The following RIBC2 variants were observed in gnomAD, a reference collection of about 807,000 sequenced individuals.
RIBC2 encodes the protein RIB43A domain with coiled-coils 2.
Under a neutral mutation model 44.3 loss-of-function variants are expected in RIBC2, and 40 were observed. That is an observed-to-expected ratio of 0.90 (90% CI 0.70 to 1.18). The LOEUF is 1.18. Ranked by LOEUF, RIBC2 falls within the 50% of genes most tolerant of loss-of-function variation. RIBC2 has a pLI of 0.00. For synonymous variants in RIBC2, 171 were observed against 175.0 expected (o/e 0.98, Z 0.18); for missense variants, 459 against 485.5 (o/e 0.95, Z 0.51).
intron 5 of RIBC2, among the ~76,000 whole-genome samples, 176 bp from the exon 6 acceptor site, chr22:45,430,724 T>A (rs1371242022): frequency 6.6e-6 from 1 of 152,066 alleles, no homozygotes; most frequent in East Asian, 1.9e-4. Flanking sequence ...CCACATGGAA[T>A]GAGGGCAGGC....
At position 45,414,312 on chromosome 22, in the gene RIBC2, C is replaced by G. The variant is rs750578698; in HGVS notation, c.130-10C>G. On this transcript the variant is annotated splice_polypyrimidine_tract_variant and intron_variant, in intron 1 of 6. Coordinates refer to ENST00000614167, the MANE Select transcript of RIBC2 (RefSeq NM_015653.5). ...GCTCTAACCCTTCTCCTCTGTTTTT[C>G]CATTTATAGGGAGACACTGAAGCCT... 2 of 1,544,178 alleles carry G rather than the reference C, an allele frequency of 1.3e-6. No individual in the cohort carries two copies. The highest frequency in any genetic ancestry group is 2.4e-5 in the South Asian group (2 of 82,574).
chr22:45,424,996 T>A (rs1437514794), intron 4 of RIBC2, among the ~76,000 whole-genome samples: 7 of 151,864 alleles, frequency 4.6e-5, no homozygotes, highest in Non-Finnish European at 1.0e-4. Flanking sequence ...CCTTGTGATT[T>A]GCCCACTTTG....
intron 5 of RIBC2, among the ~76,000 whole-genome samples, chr22:45,426,925 G>C (rs568699185): frequency 6.6e-6 from 1 of 152,062 alleles, no homozygotes; most frequent in Non-Finnish European, 1.5e-5. Flanking sequence ...GGGTGGGGAC[G>C]TGTGAAAGAG....
intron 5 of RIBC2, among the ~76,000 whole-genome samples, chr22:45,429,641 G>A (rs888330434): frequency 2.2e-4 from 34 of 152,214 alleles, no homozygotes; most frequent in African/African-American, 7.7e-4. Context: ...GGCAGGGGGC[G>A]TGAAGTTCAG....
At chr22:45,417,486 CCAG>C in intron 2 of RIBC2, 113 bp from the exon 3 acceptor site, 2 of 785,274 alleles carry the variant, frequency 2.5e-6, no homozygotes, top group South Asian at 2.0e-5. Flanking sequence ...GGAGACCAGC[CCAG>C]GCAACATAAT....
rs1474813416 is a variant in RIBC2 at position 45,413,929 on chromosome 22, C to A, written c.43C>A (p.Arg15=). ...GGCGGTGGCGCTGCCCAGGGACTTG[C>A]GGCAGGACGCCAACCTGGCAAAGAG... ...TMAVALPRDL[R]QDANLAKRRH... The change falls in exon 1 of 7, where the codon CGG becomes AGG. Residue 15 remains arginine, a synonymous_variant. Transcript: ENST00000614167. 1 of 1,551,672 alleles carries A rather than the reference C, an allele frequency of 6.4e-7. No homozygotes were observed. The highest frequency in any genetic ancestry group is 1.4e-5 in the African/African-American group (1 of 73,162).
rs563456443 is a variant in RIBC2, at chr22:45,419,678, A to ATTGT, written c.556+1732_556+1733insTTGT. ...AGCCTGGAAGGTCAAGGCTACAGTG[A>ATTGT]GCCGTGATTGTGCCACCGCCCTCCA... On this transcript the variant is annotated intron_variant, in intron 3 of 6. Transcript: ENST00000614167. Among the ~76,000 whole-genome samples, 33 of 149,496 alleles carry ATTGT rather than the reference A, an allele frequency of 2.2e-4. 1 individual carries two copies. The South Asian group carries it at 7.0e-3, about 32-fold the overall frequency.
chr22:45,425,888 G>A (rs1250434425), intron 4 of RIBC2, 60 bp from the exon 5 acceptor site: 1 of 1,431,612 alleles, frequency 7.0e-7, no homozygotes, highest in Non-Finnish European at 9.6e-7. Flanking sequence ...TGCTGGCCTG[G>A]GTGTCAGAAT....
intron 5 of RIBC2, 112 bp downstream of exon 5, chr22:45,426,287 C>A: frequency 1.2e-6 from 1 of 862,402 alleles, no homozygotes; most frequent in Non-Finnish European, 1.8e-6. Flanking sequence ...CTAGCACCTG[C>A]CCTCAAGGAG....
rs2146887902 is a variant in RIBC2, at chr22:45,426,883, A to G, written c.903+708A>G. 1.3e-5 allele frequency among the ~76,000 whole-genome samples: 2 copies of G among 152,110 alleles called. 1 individual carries two copies. The highest frequency in any genetic ancestry group is 4.1e-4 in the South Asian group (2 of 4,820). On this transcript the variant is annotated intron_variant, in intron 5 of 6. Transcript: ENST00000614167. ...ATGGTCAGATTCTGGATCTGTTTTGAAGGTAGAGTCGACAGGATTGGATGC... is the reference window on the plus strand; with the variant it reads ...ATGGTCAGATTCTGGATCTGTTTTGGAGGTAGAGTCGACAGGATTGGATGC...
At chr22:45,421,377 A>G (rs951198876) in intron 3 of RIBC2, among the ~76,000 whole-genome samples, 1 of 147,274 alleles carries the variant, frequency 6.8e-6, no homozygotes, top group African/African-American at 2.5e-5. Context: ...AATGCCACCT[A>G]TAGGCCATCA....
Position 45,418,012 on chromosome 22 carries a change from T to G in RIBC2, c.556+66T>G, listed in dbSNP as rs2087443234. On this transcript the variant is annotated intron_variant, in intron 3 of 6. Transcript: ENST00000614167. ...TCAACAAACCAACCCTACAGTTTTTTTTTTTTTTTAAGCAACCCTACAGTT... is the reference window on the plus strand; with the variant it reads ...TCAACAAACCAACCCTACAGTTTTTGTTTTTTTTTAAGCAACCCTACAGTT... 2.4e-5 allele frequency: 29 copies of G among 1,211,564 alleles called. 1 individual carries two copies. Among genetic ancestry groups the G allele is most frequent in the South Asian group, 5.3e-5 (3 of 56,270 alleles). 75.1% of individuals were successfully genotyped at this position (1,211,564 alleles called of 1,614,324 possible).
intron 5 of RIBC2, among the ~76,000 whole-genome samples, chr22:45,426,397 G>C (rs1191943479): frequency 6.6e-6 from 1 of 152,242 alleles, no homozygotes; most frequent in Non-Finnish European, 1.5e-5. Context: ...AGTAGAATGG[G>C]AAGACATTGA....
intron 3 of RIBC2, 183 bp downstream of exon 3, chr22:45,418,129 G>T (rs999295049): frequency 8.2e-6 from 4 of 489,140 alleles, no homozygotes; most frequent in African/African-American, 7.7e-5. Flanking sequence ...CTTTGGCCCT[G>T]TGGGGAAAGA....
chr22:45,430,627 T>C (rs2072769), intron 5 of RIBC2, among the ~76,000 whole-genome samples: 95,774 of 151,940 alleles, frequency 0.63, 32,668 homozygotes, highest in African/African-American at 0.9. Context: ...GAGCTGGGAG[T>C]GGAGGCTGCT....
Position 45,414,155 on chromosome 22 carries a change from T to A in RIBC2, c.129+140T>A, listed in dbSNP as rs2087393027. On this transcript the variant is annotated intron_variant, in intron 1 of 6. Transcript: ENST00000614167. ...CGGCCTCCTGCAGGGCCAATAATGC[T>A]CCCTCTCGAGCTCGCCTGGAGTCAC... 8.1e-6 allele frequency: 12 copies of A among 1,479,126 alleles called. 1 individual carries two copies. The East Asian group carries it at 3.0e-4, about 37-fold the overall frequency. The allele number at this position is 1,479,126 out of a possible 1,614,324, so 91.6% of individuals were successfully genotyped here. A position where few individuals can be genotyped will look rare whatever the true frequency, so the allele number is the denominator to read the frequency against.
Position 45,426,061 on chromosome 22 carries a change from G to A in RIBC2, c.789G>A (p.Gln263=). ...ACCTGCTCTCCGAGAACCCGCAGCA[G>A]GCAGCCAGCTCCTTCGGGCCCCACC... ...RGDLLSENPQ[Q]AASSFGPHRV... is the part of the protein sequence containing the mutation. The change falls in exon 5 of 7, where the codon CAG becomes CAA. Residue 263 remains glutamine (Q), a synonymous_variant. Transcript: ENST00000614167. 1.2e-6 allele frequency: 2 copies of A among 1,614,102 alleles called. No homozygotes were observed. The highest frequency in any genetic ancestry group is 1.7e-6 in the Non-Finnish European group (2 of 1,180,024).
intron 5 of RIBC2, among the ~76,000 whole-genome samples, chr22:45,428,352 G>T (rs1271647938): frequency 6.6e-6 from 1 of 152,212 alleles, no homozygotes; most frequent in Non-Finnish European, 1.5e-5. Context: ...AGCTGGTGGG[G>T]GCCATGAGGT....
intron 5 of RIBC2, among the ~76,000 whole-genome samples, chr22:45,429,547 G>C (rs1412330892): frequency 1.3e-5 from 2 of 152,130 alleles, no homozygotes; most frequent in African/African-American, 4.8e-5. Flanking sequence ...CATGAGGAGT[G>C]GGTGGGGCAG....
Sources: gnomAD v4.1 joint callset for allele counts (sites outside exome capture counted in the v4.1 genomes callset) on GRCh38, gnomAD v4.1.1 for gene constraint, MANE v1.5 for transcripts, NCBI Gene and HGNC (gene_info 2026-07-23, HGNC 2026-07-21) for gene names.